MRPS12: variants seen among roughly 807,000 people sequenced by gnomAD.
MRPS12 encodes the protein mitochondrial ribosomal protein S12.
A neutral mutation model predicts 8.4 loss-of-function variants in MRPS12; 7 were observed. The ratio of observed to expected loss-of-function variants is 0.83; its 90% CI spans 0.47 to 1.56. The LOEUF is 1.56. Ranked by LOEUF, MRPS12 falls within the 40% of genes most tolerant of loss-of-function variation. MRPS12 has a pLI of 0.01. For missense variants in MRPS12, 200 were observed against 194.1 expected (o/e 1.03, Z -0.18); for synonymous variants, 84 against 84.1 (o/e 1.00, Z 0.01).
At position 38,932,520 on chromosome 19, in the gene MRPS12, G is replaced by A. The variant is rs1974777334; in HGVS notation, c.237G>A (p.Lys79=). 1.2e-6 allele frequency: 2 copies of A among 1,612,830 alleles called. No individual in the cohort carries two copies. Among genetic ancestry groups the A allele is most frequent in the Admixed American group, 1.7e-5 (1 of 59,958 alleles). Residue 79 remains lysine (K), a synonymous_variant, in exon 3 of 3, where the codon AAG becomes AAA. Transcript: ENST00000308018. ...AGAAGCCCAACTCAGCCAATCGCAA[G>A]TGCTGTCGAGTGCGGCTCAGCACTG... ...KPKKPNSANR[K]CCRVRLSTGR...
chr19:38,932,348 C>A lies in MRPS12; in HGVS notation c.65C>A (p.Pro22His). Residue 22 changes from proline to histidine, a missense_variant, in exon 3 of 3, where the codon CCC becomes CAC. Pro to His is a moderately conservative substitution (Grantham distance 77). Coordinates refer to ENST00000308018, the MANE Select transcript of MRPS12 (RefSeq NM_033362.4). The stretch of plus-strand genomic sequence containing the variant: ...CCCTCTCCAGGCCCAGCTCTGGTTC[C>A]CCGGCTCTGGGCTACCTGCTCCATG... ...TSLTCGPALV[P>H]RLWATCSMAT... The A allele has an allele frequency of 6.5e-7, 1 of 1,537,970 alleles. No individual in the cohort carries two copies. Among genetic ancestry groups the A allele is most frequent in the Non-Finnish European group, 8.8e-7 (1 of 1,140,288 alleles).
Position 38,932,403 on chromosome 19 carries a change from G to C in MRPS12, c.120G>C (p.Gly40=), listed in dbSNP as rs3167725. 1.2e-6 allele frequency: 2 copies of C among 1,605,100 alleles called. No homozygotes were observed. Among genetic ancestry groups the C allele is most frequent in the Non-Finnish European group, 1.7e-6 (2 of 1,174,644 alleles). Residue 40 remains glycine, a synonymous_variant, in exon 3 of 3, where the codon GGG becomes GGC. Transcript: ENST00000308018. ...MATLNQMHRL[G]PPKRPPRKLG... ...CCCTGAACCAGATGCACCGCCTGGGGCCCCCCAAGCGGCCGCCTCGGAAGC... is the reference window on the plus strand; with the variant it reads ...CCCTGAACCAGATGCACCGCCTGGGCCCCCCCAAGCGGCCGCCTCGGAAGC...
At chr19:38,931,497 G>C in intron 2 of MRPS12, 154 bp downstream of exon 2, 1 of 622,844 alleles carries the variant, frequency 1.6e-6, no homozygotes, top group South Asian at 2.6e-5. Context: ...CAAGAGGTGG[G>C]AAGCAGCTGC....
In MRPS12 at chr19:38,932,624, G is replaced by A. The variant is rs766262829; in HGVS notation, c.341G>A (p.Arg114His). The A allele has an allele frequency of 5.0e-6, 8 of 1,613,590 alleles. No homozygotes were observed. The highest frequency in any genetic ancestry group is 2.5e-6 in the Non-Finnish European group (3 of 1,179,990). ...CAGATTGTCCTTGTGGAGGGCGGCC[G>A]CACCCAGGACCTGCCAGGCGTCAAG... is the stretch of plus-strand genomic sequence containing the variant. Reference protein sequence around the residue: ...EHQIVLVEGGRTQDLPGVKLT... With the variant: ...EHQIVLVEGGHTQDLPGVKLT... Residue 114 changes from arginine (R) to histidine (H), a missense_variant, in exon 3 of 3, where the codon CGC (arginine) becomes CAC (histidine). Coordinates refer to ENST00000308018, the MANE Select transcript of MRPS12 (RefSeq NM_033362.4).
In MRPS12 at chr19:38,932,923, G is replaced by T. The variant is rs909094828; in HGVS notation, c.*223G>T. 3.0e-5 allele frequency: 19 copies of T among 627,968 alleles called. No individual in the cohort carries two copies. The Admixed American group carries it at 4.5e-4, about 15-fold the overall frequency. 38.9% of individuals were successfully genotyped at this position (627,968 alleles called of 1,614,324 possible). On this transcript the variant is annotated 3_prime_UTR_variant, in exon 3 of 3. Transcript: ENST00000308018. ...ACACCCTTGGCTCCTGTGTTTAGAG[G>T]GGTGGCCTGAAGGACCTTTTCTGCT...
chr19:38,931,049 T>C (rs1568431438), intron 1 of MRPS12, 51 bp downstream of exon 1: 1 of 596,656 alleles, frequency 1.7e-6, no homozygotes, highest in Non-Finnish European at 3.0e-6. Flanking sequence ...CTCCCCAGTT[T>C]CCCAGTTCTT....
At chr19:38,932,299 C>G in intron 2 of MRPS12, 34 bp from the exon 3 acceptor site, 2 of 1,501,676 alleles carry the variant, frequency 1.3e-6, no homozygotes, top group Non-Finnish European at 1.8e-6. Flanking sequence ...AAGATCTGTT[C>G]TCTGGGATAA....
At chr19:38,931,550 A>G in intron 2 of MRPS12, 2 of 430,554 alleles carry the variant, frequency 4.6e-6, no homozygotes, top group Non-Finnish European at 8.2e-6. Flanking sequence ...GGTCAGTTTT[A>G]TTATTTATTT....
At chr19:38,931,182 T>A in intron 1 of MRPS12, 94 bp from the exon 2 acceptor site, 1 of 988,648 alleles carries the variant, frequency 1.0e-6, no homozygotes, top group South Asian at 1.6e-5. Context: ...GTATTTCCTT[T>A]GATTTAAGCC....
intron 2 of MRPS12, chr19:38,931,546 T>A: frequency 2.3e-6 from 1 of 435,728 alleles, no homozygotes; most frequent in Non-Finnish European, 4.1e-6. Context: ...TTTGGGTCAG[T>A]TTTATTATTT....
chr19:38,931,317 A>G lies in MRPS12; in HGVS notation c.23A>G (p.His8Arg), dbSNP rs33988199. The G allele has an allele frequency of 3.2e-3, 5,139 of 1,603,414 alleles. 81 individuals carry two copies. The African/African-American group carries it at 0.04, about 12-fold the overall frequency. Residue 8 changes from histidine (H) to arginine (R), a missense_variant, in exon 2 of 3, where the codon CAT (histidine) becomes CGT (arginine). By Grantham distance (29) the His-to-Arg change is conservative. Coordinates refer to ENST00000308018, the MANE Select transcript of MRPS12 (RefSeq NM_033362.4). MSWSGLL[H>R]GLNTSLTCGP... The stretch of plus-strand genomic sequence containing the variant: ...AGGATGTCCTGGTCTGGCCTTCTCC[A>G]TGGCCTCAACACGTCCCTAACTTGT...
intron 1 of MRPS12, 98 bp from the exon 2 acceptor site, chr19:38,931,178 C>A (rs1974740888): frequency 2.2e-6 from 2 of 923,964 alleles, no homozygotes; most frequent in Middle Eastern, 2.3e-4. Flanking sequence ...AGAGGTATTT[C>A]CTTTGATTTA....
Sources: gnomAD v4.1 joint callset for allele counts on GRCh38, gnomAD v4.1.1 for gene constraint, MANE v1.5 for transcripts, NCBI Gene and HGNC (gene_info 2026-07-23, HGNC 2026-07-21) for gene names.